Variants in FGD4 observed in about 807,000 individuals in gnomAD.
FGD4 encodes FYVE, RhoGEF and PH domain containing 4.
FGD4 carries 42 observed loss-of-function variants against 102.0 expected under a neutral mutation model. The observed-to-expected ratio is 0.41, with a 90% confidence interval of 0.32 to 0.53. FGD4 has a LOEUF of 0.53. FGD4 is among the 20% of genes least tolerant of loss of function. The probability of loss-of-function intolerance (pLI) is 0.21; values close to 1 mark genes in which losing one functional copy is unlikely to be tolerated. For missense variants in FGD4, 902 were observed against 1,078.2 expected (o/e 0.84, Z 2.29); for synonymous variants, 380 against 375.7 (o/e 1.01, Z -0.13).
chr12:32,400,321 C>G (rs1762582732), intron 1 of FGD4, among the ~76,000 whole-genome samples: 1 of 152,136 alleles, frequency 6.6e-6, no homozygotes, highest in Non-Finnish European at 1.5e-5. Flanking sequence ...TTTGGGCAGC[C>G]GTGGTGGAGG....
chr12:32,605,659 C>T (rs1252226234), intron 7 of FGD4, among the ~76,000 whole-genome samples: 1 of 152,190 alleles, frequency 6.6e-6, no homozygotes, highest in Admixed American at 6.5e-5. Context: ...AAGCATTTTT[C>T]CATCTGACTT....
intron 1 of FGD4, among the ~76,000 whole-genome samples, chr12:32,438,360 A>G (rs1176508927): frequency 2.6e-5 from 4 of 152,166 alleles, no homozygotes; most frequent in Admixed American, 6.5e-5. Context: ...ACAAAGGTAA[A>G]AATATCTGCC....
At position 32,640,131 on chromosome 12, in the gene FGD4, A is replaced by G. The variant is rs187236772; in HGVS notation, c.2455-145A>G. On this transcript the variant is annotated intron_variant, in intron 16 of 16. Coordinates refer to ENST00000534526, the MANE Select transcript of FGD4 (RefSeq NM_001370298.3). ...TCACGTACAGGCTCTGTACTAAGCA[A>G]TGGGATTGCCCTCTGTGCCCATGGA... 194 of 1,216,354 alleles carry G rather than the reference A, an allele frequency of 1.6e-4. 1 individual carries two copies. In the African/African-American group the frequency reaches 2.3e-3, roughly 14 times the overall value. 75.3% of individuals were successfully genotyped at this position (1,216,354 alleles called of 1,614,324 possible). A position where few individuals can be genotyped will look rare whatever the true frequency, so the allele number is the denominator to read the frequency against.
chr12:32,620,110 ACT>A (rs1284777380), intron 11 of FGD4, among the ~76,000 whole-genome samples: 2 of 152,036 alleles, frequency 1.3e-5, no homozygotes, highest in African/African-American at 4.8e-5. Context: ...AAATTGATTA[ACT>A]CTTCAGAAAT....
intron 1 of FGD4, among the ~76,000 whole-genome samples, chr12:32,548,918 G>T (rs1191894480): frequency 6.6e-6 from 1 of 152,356 alleles, no homozygotes. Flanking sequence ...TTACCGAGAA[G>T]TCAAAAGCAC....
At chr12:32,429,551 C>T (rs999376888) in intron 1 of FGD4, among the ~76,000 whole-genome samples, 10 of 152,216 alleles carry the variant, frequency 6.6e-5, no homozygotes, top group Non-Finnish European at 1.5e-4. Context: ...AGGGCTCAAG[C>T]GCTTTGCTGG....
intron 1 of FGD4, among the ~76,000 whole-genome samples, chr12:32,429,597 A>G (rs1941978245): frequency 6.6e-6 from 1 of 152,186 alleles, no homozygotes; most frequent in African/African-American, 2.4e-5. Context: ...GGCAGGCAGG[A>G]ACTTTTAAGT....
chr12:32,522,494 A>C (rs1275860593), intron 1 of FGD4, among the ~76,000 whole-genome samples: 2 of 152,212 alleles, frequency 1.3e-5, no homozygotes, highest in Non-Finnish European at 2.9e-5. Context: ...TAGAGAAATG[A>C]AAGCCTTCCT....
chr12:32,559,886 C>G lies in FGD4; in HGVS notation c.167-4251C>G, dbSNP rs187250114. On this transcript the variant is annotated intron_variant, in intron 1 of 16. Coordinates refer to ENST00000534526, the MANE Select transcript of FGD4 (RefSeq NM_001370298.3). ...TTTTCTCATTTAACCCATTAACTGC[C>G]CCCTTTGTGTAGTATTGTTGCTGCT... is the stretch of plus-strand genomic sequence containing the variant. 4.6e-5 allele frequency among the ~76,000 whole-genome samples: 7 copies of G among 152,176 alleles called. No individual in the cohort carries two copies. In the East Asian group the frequency reaches 1.4e-3, roughly 29 times the overall value.
intron 1 of FGD4, among the ~76,000 whole-genome samples, chr12:32,441,255 C>T (rs1216705837): frequency 6.6e-6 from 1 of 152,164 alleles, no homozygotes; most frequent in Non-Finnish European, 1.5e-5. Flanking sequence ...TGTGCTGAGC[C>T]TTGCCTGAAG....
chr12:32,538,538 G>A (rs1254425740), intron 1 of FGD4, among the ~76,000 whole-genome samples: 2 of 152,126 alleles, frequency 1.3e-5, no homozygotes, highest in Non-Finnish European at 2.9e-5. Context: ...AGCCTCACAG[G>A]CCAAGTTGAT....
chr12:32,564,399 T>G, intron 2 of FGD4, 110 bp downstream of exon 2: 177 of 1,019,946 alleles, frequency 1.7e-4, no homozygotes, highest in Middle Eastern at 3.3e-4. Context: ...AGGAAGGAAT[T>G]GGGTACATTA....
intron 1 of FGD4, among the ~76,000 whole-genome samples, chr12:32,462,040 A>G (rs1479223234): frequency 6.6e-6 from 1 of 151,842 alleles, no homozygotes; most frequent in Non-Finnish European, 1.5e-5. Flanking sequence ...AACAGTTTTA[A>G]CCATGACCTT....
At chr12:32,638,917 G>C in intron 16 of FGD4, 122 bp downstream of exon 16, 1 of 1,530,146 alleles carries the variant, frequency 6.5e-7, no homozygotes, top group Non-Finnish European at 8.8e-7. Context: ...CATTAAAATT[G>C]AAAAATAATG....
chr12:32,492,020 T>C (rs555524970), intron 1 of FGD4, among the ~76,000 whole-genome samples: 1 of 152,354 alleles, frequency 6.6e-6, no homozygotes, highest in South Asian at 2.1e-4. Context: ...TTGAAATTTT[T>C]CTAAAGTGAA....
chr12:32,618,953 A>AG (rs1340813430), intron 10 of FGD4, among the ~76,000 whole-genome samples: 5 of 152,226 alleles, frequency 3.3e-5, no homozygotes, highest in Non-Finnish European at 7.3e-5. Flanking sequence ...TCTCTCAGAT[A>AG]TAATCATAAT....
intron 7 of FGD4, among the ~76,000 whole-genome samples, chr12:32,602,923 T>C (rs1948520388): frequency 6.6e-6 from 1 of 152,334 alleles, no homozygotes; most frequent in African/African-American, 2.4e-5. Context: ...TTTTTTTAAT[T>C]GTACCATTTT....
At position 32,643,701 on chromosome 12, in the gene FGD4, A is replaced by G. The variant is rs535998169; in HGVS notation, c.*3168A>G. 2.0e-5 allele frequency: 3 copies of G among 151,878 alleles called. No individual in the cohort carries two copies. Among genetic ancestry groups the G allele is most frequent in the Admixed American group, 2.0e-4 (3 of 15,258 alleles). 9.4% of individuals were successfully genotyped at this position (151,878 alleles called of 1,614,324 possible). On this transcript the variant is annotated 3_prime_UTR_variant, in exon 17 of 17. Transcript: ENST00000534526. ...TTTTTTAAGAACACTTGTTCTAGTTATAAATATATAAAGAAAACGATAAAG... is the reference window on the plus strand; with the variant it reads ...TTTTTTAAGAACACTTGTTCTAGTTGTAAATATATAAAGAAAACGATAAAG...
chr12:32,427,218 C>T (rs994051246), intron 1 of FGD4, among the ~76,000 whole-genome samples: 2 of 152,142 alleles, frequency 1.3e-5, no homozygotes, highest in African/African-American at 2.4e-5. Context: ...ATGAATTTCC[C>T]TCTAAACACT....
Sources: gnomAD v4.1 joint callset for allele counts (sites outside exome capture counted in the v4.1 genomes callset) on GRCh38, gnomAD v4.1.1 for gene constraint, MANE v1.5 for transcripts, NCBI Gene and HGNC (gene_info 2026-07-23, HGNC 2026-07-21) for gene names.